ADARB2: variants seen among roughly 807,000 people sequenced by gnomAD.
The protein encoded by ADARB2 is adenosine deaminase RNA specific B2 (inactive).
ADARB2 carries 25 observed loss-of-function variants against 62.2 expected under a neutral mutation model. The observed-to-expected ratio is 0.40, with a 90% CI of 0.29 to 0.56. The LOEUF is 0.56. Ranked by LOEUF, ADARB2 falls within the 20% of genes least tolerant of loss-of-function variation. The pLI is 0.43. For missense variants in ADARB2, 1,071 were observed against 1,077.4 expected (o/e 0.99, Z 0.08); for synonymous variants, 572 against 500.8 (o/e 1.14, Z -1.90).
Position 1,297,737 on chromosome 10 carries a change from C to A in ADARB2, c.1078-26668G>T, listed in dbSNP as rs1831535807. Among the ~76,000 whole-genome samples, 2 of 152,170 alleles carry A rather than the reference C, an allele frequency of 1.3e-5. 1 individual carries two copies. Among genetic ancestry groups the A allele is most frequent in the South Asian group, 4.1e-4 (2 of 4,834 alleles). On this transcript the variant is annotated intron_variant, in intron 3 of 9. Transcript: ENST00000381312. ...TGTGCGCTCCTGCCACCGGGGGGCA[C>A]ACCTTTTTCCTCGGTAAGCCCTGAA... is the stretch of plus-strand genomic sequence containing the variant.
chr10:1,335,151 C>T (rs1445927524), intron 3 of ADARB2, among the ~76,000 whole-genome samples: 3 of 151,734 alleles, frequency 2.0e-5, no homozygotes, highest in Non-Finnish European at 4.4e-5. Context: ...CTGTGTGTTC[C>T]AGCTACCTGC....
chr10:1,326,182 A>G (rs1393158824), intron 3 of ADARB2, among the ~76,000 whole-genome samples: 3 of 152,368 alleles, frequency 2.0e-5, no homozygotes, highest in East Asian at 1.9e-4. Flanking sequence ...CACAGAGAAC[A>G]GGAAGTCACT....
intron 1 of ADARB2, among the ~76,000 whole-genome samples, chr10:1,535,361 G>A (rs1424678742): frequency 1.3e-5 from 2 of 152,204 alleles, no homozygotes; most frequent in African/African-American, 2.4e-5. Flanking sequence ...CAATACCTCC[G>A]TGTGCCAGTG....
chr10:1,579,664 C>T (rs1257723724), intron 1 of ADARB2, among the ~76,000 whole-genome samples: 2 of 152,218 alleles, frequency 1.3e-5, no homozygotes, highest in African/African-American at 4.8e-5. Flanking sequence ...GACTCCAAAT[C>T]TGAGCTAGTT....
At chr10:1,220,079 T>C (rs1830673624) in intron 6 of ADARB2, among the ~76,000 whole-genome samples, 1 of 147,054 alleles carries the variant, frequency 6.8e-6, no homozygotes, top group Non-Finnish European at 1.5e-5. Context: ...GTGATGGTGA[T>C]GATGGTGGTA....
Position 1,180,006 on chromosome 10 carries a change from TGGAG to T in ADARB2, c.*3183_*3186del, listed in dbSNP as rs1836646935. The T allele has an allele frequency of 6.6e-6, 1 of 151,992 alleles. No homozygotes were observed. Among genetic ancestry groups the T allele is most frequent in the African/African-American group, 2.4e-5 (1 of 41,328 alleles). The allele number at this position is 151,992 out of a possible 1,614,324, so 9.4% of individuals were successfully genotyped here. ...CCTACTTGTGTCTTGCCCCCTCACTTGGAGGGGAATGGGTGGCCACTCTTAAGAC... is the reference window on the plus strand; with the variant it reads ...CCTACTTGTGTCTTGCCCCCTCACTTGGGAATGGGTGGCCACTCTTAAGAC... On this transcript the variant is annotated 3_prime_UTR_variant, in exon 10 of 10. Transcript: ENST00000381312.
At chr10:1,351,751 TAA>T (rs1180691119) in intron 3 of ADARB2, among the ~76,000 whole-genome samples, 1 of 152,058 alleles carries the variant, frequency 6.6e-6, no homozygotes, top group Non-Finnish European at 1.5e-5. Flanking sequence ...TTAAAAGGAT[TAA>T]AGTCTGTTAT....
intron 1 of ADARB2, among the ~76,000 whole-genome samples, chr10:1,645,040 A>G (rs1484409716): frequency 6.6e-6 from 1 of 152,242 alleles, no homozygotes; most frequent in Admixed American, 6.5e-5. Flanking sequence ...TGTATATAAA[A>G]GGAATGTTAT....
chr10:1,211,925 T>G (rs1837158303), intron 7 of ADARB2, among the ~76,000 whole-genome samples: 1 of 152,258 alleles, frequency 6.6e-6, no homozygotes, highest in Non-Finnish European at 1.5e-5. Flanking sequence ...AATAATGACT[T>G]ATTTGACAAC....
At chr10:1,404,496 C>T (rs2131874188) in intron 1 of ADARB2, among the ~76,000 whole-genome samples, 1 of 152,344 alleles carries the variant, frequency 6.6e-6, no homozygotes, top group South Asian at 2.1e-4. Flanking sequence ...GCGTGGGCTC[C>T]ACTCCTCCCG....
chr10:1,630,513 C>T (rs1166144568), intron 1 of ADARB2, among the ~76,000 whole-genome samples: 1 of 152,070 alleles, frequency 6.6e-6, no homozygotes. Context: ...CAGTCTCTAC[C>T]CTCGCTCAGC....
At chr10:1,440,977 C>T (rs143773729) in intron 1 of ADARB2, among the ~76,000 whole-genome samples, 1 of 152,310 alleles carries the variant, frequency 6.6e-6, no homozygotes, top group East Asian at 1.9e-4. Context: ...TATTCATTCA[C>T]AACACTGCAG....
chr10:1,375,780 ACACACATG>A (rs1832418231), intron 2 of ADARB2, among the ~76,000 whole-genome samples: 1 of 149,722 alleles, frequency 6.7e-6, no homozygotes, highest in Non-Finnish European at 1.5e-5. Context: ...ACACATGTGC[ACACACATG>A]CACACACGCA....
chr10:1,266,691 C>T (rs986318057), intron 4 of ADARB2, among the ~76,000 whole-genome samples: 15 of 152,080 alleles, frequency 9.9e-5, no homozygotes, highest in African/African-American at 3.4e-4. Context: ...TGTGTGTATT[C>T]AGACGAGAGC....
At chr10:1,638,782 C>G (rs988552416) in intron 1 of ADARB2, among the ~76,000 whole-genome samples, 1 of 152,220 alleles carries the variant, frequency 6.6e-6, no homozygotes, top group Non-Finnish European at 1.5e-5. Context: ...GATGACACAG[C>G]TGGACCCGAC....
At chr10:1,472,406 G>A (rs1831335644) in intron 1 of ADARB2, among the ~76,000 whole-genome samples, 1 of 152,048 alleles carries the variant, frequency 6.6e-6, no homozygotes, top group Non-Finnish European at 1.5e-5. Flanking sequence ...AGCCAGGTGT[G>A]AGGAGGTCTG....
chr10:1,510,741 A>C (rs995348136), intron 1 of ADARB2, among the ~76,000 whole-genome samples: 1 of 152,074 alleles, frequency 6.6e-6, no homozygotes, highest in African/African-American at 2.4e-5. Context: ...CCCACCCCCT[A>C]CAGTCCCTTC....
chr10:1,289,080 C>T (rs994333409), intron 3 of ADARB2, among the ~76,000 whole-genome samples: 4 of 152,160 alleles, frequency 2.6e-5, no homozygotes, highest in African/African-American at 9.7e-5. Flanking sequence ...AAACAGTGAC[C>T]ATCTGTTCCC....
rs1223609481 is a variant in ADARB2, at chr10:1,477,115, T to C, written c.101-97955A>G. ...CCCTCCCACTGCGCAGCACTGCCTC[T>C]CACTCATGGCTGTGAAACTTGGGTT... On this transcript the variant is annotated intron_variant, in intron 1 of 9. Transcript: ENST00000381312. This position sits in a 1 kb window ranked among gnomAD's most constrained non-coding sequence, Gnocchi z 4.5. Among the ~76,000 whole-genome samples the C allele has an allele frequency of 1.3e-5, 2 of 152,138 alleles. No individual in the cohort carries two copies.
Sources: gnomAD v4.1 joint callset for allele counts (sites outside exome capture counted in the v4.1 genomes callset) on GRCh38, gnomAD v4.1.1 for gene constraint, Gnocchi (gnomAD v3.1) non-coding constraint, MANE v1.5 for transcripts, NCBI Gene and HGNC (gene_info 2026-07-23, HGNC 2026-07-21) for gene names.